The following GALNT10 variants were observed in gnomAD, a reference collection of about 807,000 sequenced individuals.
GALNT10 encodes the protein polypeptide N-acetylgalactosaminyltransferase 10.
GALNT10 carries 41 observed loss-of-function variants against 75.0 expected under a neutral mutation model. That is an observed-to-expected ratio of 0.55 (90% CI 0.43 to 0.71). The LOEUF (loss-of-function observed/expected upper bound fraction) is 0.71. GALNT10 is among the 30% of genes least tolerant of loss of function. The probability of loss-of-function intolerance (pLI) is 0.00; values close to 1 mark genes in which losing one functional copy is unlikely to be tolerated. For missense variants in GALNT10, 727 were observed against 818.5 expected (o/e 0.89, Z 1.36); for synonymous variants, 302 against 313.0 (o/e 0.96, Z 0.37).
At position 154,238,832 on chromosome 5, in the gene GALNT10, A is replaced by G. The variant is rs146896774; in HGVS notation, c.159+47807A>G. Among the ~76,000 whole-genome samples, 6 of 152,322 alleles carry G rather than the reference A, an allele frequency of 3.9e-5. No homozygotes were observed. In the East Asian group the frequency reaches 9.6e-4, roughly 24 times the overall value. On this transcript the variant is annotated intron_variant, in intron 1 of 11. Coordinates refer to ENST00000297107, the MANE Select transcript of GALNT10 (RefSeq NM_198321.4). ...ATGTTGGCTTTTACCTTCAGAAAAA[A>G]GTATATCCTTCATAATATGACTACC...
intron 1 of GALNT10, among the ~76,000 whole-genome samples, chr5:154,219,867 C>CACA (rs370278926): frequency 6.8e-6 from 1 of 146,226 alleles, no homozygotes; most frequent in Non-Finnish European, 1.5e-5. Context: ...CACACACACA[C>CACA]CACAGAGAGA....
chr5:154,394,228 T>G (rs1246210537), intron 7 of GALNT10, among the ~76,000 whole-genome samples: 1 of 150,020 alleles, frequency 6.7e-6, no homozygotes, highest in Non-Finnish European at 1.5e-5. Context: ...GGTAGAGGAA[T>G]GAAGACTCAG....
intron 3 of GALNT10, among the ~76,000 whole-genome samples, chr5:154,321,734 A>C (rs1177983925): frequency 1.3e-5 from 2 of 152,156 alleles, no homozygotes; most frequent in Admixed American, 6.5e-5. Context: ...TGAGGGAATG[A>C]AACAGCTGAA....
chr5:154,280,457 A>T (rs1375022454), intron 1 of GALNT10, among the ~76,000 whole-genome samples: 2 of 152,246 alleles, frequency 1.3e-5, no homozygotes, highest in Non-Finnish European at 2.9e-5. Context: ...GGTGATGGAT[A>T]TGCTAATTAC....
intron 4 of GALNT10, among the ~76,000 whole-genome samples, chr5:154,345,226 T>A (rs1326149125): frequency 6.6e-6 from 1 of 152,230 alleles, no homozygotes; most frequent in Admixed American, 6.5e-5. Flanking sequence ...TGATCTGATA[T>A]ATATATACAT....
chr5:154,330,439 A>T (rs1754838331), intron 4 of GALNT10, among the ~76,000 whole-genome samples: 1 of 152,316 alleles, frequency 6.6e-6, no homozygotes, highest in South Asian at 2.1e-4. Context: ...CATTTTACAG[A>T]TGAGAAAACT....
At chr5:154,251,242 C>T (rs901018218) in intron 1 of GALNT10, among the ~76,000 whole-genome samples, 1 of 152,024 alleles carries the variant, frequency 6.6e-6, no homozygotes, top group Non-Finnish European at 1.5e-5. Flanking sequence ...ACTTTTATAC[C>T]AGTCACTCTT....
At chr5:154,261,820 C>T (rs907491545) in intron 1 of GALNT10, among the ~76,000 whole-genome samples, 8 of 152,192 alleles carry the variant, frequency 5.3e-5, no homozygotes, top group African/African-American at 1.9e-4. Flanking sequence ...ATTTAGCTTA[C>T]GATTGTGCCA....
At chr5:154,382,811 T>G (rs1417305890) in intron 6 of GALNT10, among the ~76,000 whole-genome samples, 1 of 152,232 alleles carries the variant, frequency 6.6e-6, no homozygotes, top group Non-Finnish European at 1.5e-5. Context: ...CCCATCGTTA[T>G]CCTCATTGCA....
At chr5:154,365,310 A>AG (rs1440796468) in intron 4 of GALNT10, among the ~76,000 whole-genome samples, 1 of 152,172 alleles carries the variant, frequency 6.6e-6, no homozygotes, top group Non-Finnish European at 1.5e-5. Context: ...ACCTAAGAAC[A>AG]GGGGGGCCTG....
At chr5:154,219,166 T>C (rs1054844706) in intron 1 of GALNT10, among the ~76,000 whole-genome samples, 2 of 152,192 alleles carry the variant, frequency 1.3e-5, no homozygotes, top group African/African-American at 4.8e-5. Context: ...GCTCATCTAC[T>C]CCCCGACATG....
rs1463205759 is a variant in GALNT10, at chr5:154,418,828, A to C, written c.*1856A>C. ...GTGTTGATCCCAGTGTCCTTTTCCAAATGAGTGCTGTAGCTTTAGAAGTGG... is the reference window on the plus strand; with the variant it reads ...GTGTTGATCCCAGTGTCCTTTTCCACATGAGTGCTGTAGCTTTAGAAGTGG... On this transcript the variant is annotated 3_prime_UTR_variant, in exon 12 of 12. Transcript: ENST00000297107. 2 of 152,216 alleles carry C rather than the reference A, an allele frequency of 1.3e-5. No individual in the cohort carries two copies. Among genetic ancestry groups the C allele is most frequent in the African/African-American group, 4.8e-5 (2 of 41,420 alleles). The allele number at this position is 152,216 out of a possible 1,614,324, so 9.4% of individuals were successfully genotyped here.
chr5:154,198,488 A>G (rs747865844), intron 1 of GALNT10, among the ~76,000 whole-genome samples: 5 of 152,188 alleles, frequency 3.3e-5, no homozygotes, highest in Non-Finnish European at 7.3e-5. Context: ...AAGGTGAGCA[A>G]TTCGAAGATA....
intron 3 of GALNT10, 49 bp from the exon 4 acceptor site, chr5:154,329,523 A>C (rs752339823): frequency 8.0e-6 from 12 of 1,497,184 alleles, no homozygotes; most frequent in Non-Finnish European, 1.0e-5. Flanking sequence ...TTCTCTTGGC[A>C]GGAGGAGAGC....
At chr5:154,399,291 C>T (rs1291522085) in intron 7 of GALNT10, among the ~76,000 whole-genome samples, 1 of 152,330 alleles carries the variant, frequency 6.6e-6, no homozygotes, top group Non-Finnish European at 1.5e-5. Flanking sequence ...GGCCTGGGAT[C>T]TGTGGCCAGC....
chr5:154,295,196 T>G (rs1754255500), intron 2 of GALNT10, among the ~76,000 whole-genome samples: 2 of 152,208 alleles, frequency 1.3e-5, no homozygotes, highest in South Asian at 4.1e-4. Flanking sequence ...AGAAAATGTC[T>G]CCCTCATAAA....
chr5:154,260,303 A>G (rs1426909812), intron 1 of GALNT10, among the ~76,000 whole-genome samples: 1 of 152,096 alleles, frequency 6.6e-6, no homozygotes, highest in Non-Finnish European at 1.5e-5. Flanking sequence ...CTTGTCCTTC[A>G]TGGATGAGGT....
chr5:154,417,485 G>A lies in GALNT10; in HGVS notation c.*513G>A, dbSNP rs967931311. On this transcript the variant is annotated 3_prime_UTR_variant, in exon 12 of 12. Transcript: ENST00000297107. ...GGGCTTTTTAGTTTCTGCCGTCCTGGGGGGAACATTGCAGTTACTGCACAG... is the reference window on the plus strand; with the variant it reads ...GGGCTTTTTAGTTTCTGCCGTCCTGAGGGGAACATTGCAGTTACTGCACAG... 1 of 156,186 alleles carries A rather than the reference G, an allele frequency of 6.4e-6. No individual in the cohort carries two copies. Among genetic ancestry groups the A allele is most frequent in the African/African-American group, 2.4e-5 (1 of 41,460 alleles). The allele number at this position is 156,186 out of a possible 1,614,324, so 9.7% of individuals were successfully genotyped here.
At chr5:154,265,454 A>G (rs964204273) in intron 1 of GALNT10, among the ~76,000 whole-genome samples, 1 of 152,198 alleles carries the variant, frequency 6.6e-6, no homozygotes, top group Admixed American at 6.5e-5. Context: ...AAGTCTTTAA[A>G]CCAACTACTG....
Sources: gnomAD v4.1 joint callset for allele counts (sites outside exome capture counted in the v4.1 genomes callset) on GRCh38, gnomAD v4.1.1 for gene constraint, MANE v1.5 for transcripts, NCBI Gene and HGNC (gene_info 2026-07-23, HGNC 2026-07-21) for gene names.